The following CACNA2D2 variants were observed in gnomAD, a reference collection of about 807,000 sequenced individuals.
The protein encoded by CACNA2D2 is calcium voltage-gated channel auxiliary subunit alpha2delta 2.
A neutral mutation model predicts 166.4 loss-of-function variants in CACNA2D2; 48 were observed. That is an observed-to-expected ratio of 0.29 (90% CI 0.23 to 0.37). CACNA2D2 has a LOEUF of 0.37. Among genes scored for constraint, CACNA2D2 ranks in the 10% least tolerant of loss-of-function variants. The pLI is 1.00. For synonymous variants in CACNA2D2, 561 were observed against 573.7 expected (o/e 0.98, Z 0.32); for missense variants, 1,122 against 1,433.0 (o/e 0.78, Z 3.50).
chr3:50,371,350 G>A (rs587628719), intron 22 of CACNA2D2, among the ~76,000 whole-genome samples: 27 of 150,960 alleles, frequency 1.8e-4, no homozygotes, highest in African/African-American at 5.9e-4. Flanking sequence ...GCATGCATGT[G>A]TGTGTGTGTG....
At position 50,368,508 on chromosome 3, in the gene CACNA2D2, G is replaced by A. The variant is rs1704475588; in HGVS notation, c.2046-273C>T. Among the ~76,000 whole-genome samples the A allele has an allele frequency of 2.6e-5, 4 of 152,292 alleles. No homozygotes were observed. The South Asian group carries it at 8.3e-4, about 32-fold the overall frequency. ...CTCCGCAGAGCCTCCCGTCTCTCCGGTGTAGCTGGACCCAGATAGTGCACC... is the reference window on the plus strand; with the variant it reads ...CTCCGCAGAGCCTCCCGTCTCTCCGATGTAGCTGGACCCAGATAGTGCACC... On this transcript the variant is annotated intron_variant, in intron 23 of 37. Coordinates refer to ENST00000424201, the MANE Select transcript of CACNA2D2 (RefSeq NM_006030.4).
At chr3:50,464,731 C>G (rs1426412851) in intron 2 of CACNA2D2, among the ~76,000 whole-genome samples, 1 of 152,224 alleles carries the variant, frequency 6.6e-6, no homozygotes, top group Non-Finnish European at 1.5e-5. Flanking sequence ...AGTGGCTCCT[C>G]TACCACTTAG....
At chr3:50,498,513 T>C (rs991266560) in intron 1 of CACNA2D2, among the ~76,000 whole-genome samples, 3 of 151,794 alleles carry the variant, frequency 2.0e-5, no homozygotes, top group African/African-American at 7.3e-5. Context: ...CCTCCACCCC[T>C]CCACACAGAG....
At chr3:50,435,066 A>T (rs1708246789) in intron 2 of CACNA2D2, among the ~76,000 whole-genome samples, 1 of 152,074 alleles carries the variant, frequency 6.6e-6, no homozygotes, top group South Asian at 2.1e-4. Flanking sequence ...GGGGAGAATG[A>T]ATCTGCCCAG....
chr3:50,476,349 C>T, intron 1 of CACNA2D2, 150 bp from the exon 2 acceptor site: 1 of 632,242 alleles, frequency 1.6e-6, no homozygotes. Context: ...CCAGCAAGCA[C>T]CTGCGATTCC....
At chr3:50,466,167 C>T (rs1279612874) in intron 2 of CACNA2D2, among the ~76,000 whole-genome samples, 1 of 152,166 alleles carries the variant, frequency 6.6e-6, no homozygotes, top group Non-Finnish European at 1.5e-5. Flanking sequence ...CCAGGATGCA[C>T]CCCCAACCAC....
At chr3:50,464,608 T>C (rs1381810964) in intron 2 of CACNA2D2, among the ~76,000 whole-genome samples, 2 of 151,988 alleles carry the variant, frequency 1.3e-5, no homozygotes, top group East Asian at 3.9e-4. Flanking sequence ...GCCTCAGGGG[T>C]CCTAGTCTAA....
chr3:50,473,911 TGGCA>T (rs1710201325), intron 2 of CACNA2D2, among the ~76,000 whole-genome samples: 1 of 152,226 alleles, frequency 6.6e-6, no homozygotes, highest in African/African-American at 2.4e-5. Flanking sequence ...GCTGGAGCGC[TGGCA>T]GCCATCGGCA....
chr3:50,363,461 C>T lies in CACNA2D2; in HGVS notation c.*1205G>A, dbSNP rs1704036557. 2.7e-6 allele frequency: 1 copy of T among 369,040 alleles called. No individual in the cohort carries two copies. Among genetic ancestry groups the T allele is most frequent in the Admixed American group, 6.0e-5 (1 of 16,716 alleles). The allele number at this position is 369,040 out of a possible 1,614,324, so 22.9% of individuals were successfully genotyped here. On this transcript the variant is annotated 3_prime_UTR_variant, in exon 38 of 38. Transcript: ENST00000424201. ...ATGGTGTGAAGAGCTGTGCCCAGTC[C>T]CCACCTGTGTGTGTGTGTGTGTGTG...
intron 2 of CACNA2D2, among the ~76,000 whole-genome samples, chr3:50,461,745 CAAA>C (rs561980044): frequency 4.4e-4 from 18 of 40,588 alleles, no homozygotes; most frequent in Admixed American, 8.7e-4. Context: ...TGGGGAGTCT[CAAA>C]AAAAAAAAAA....
At chr3:50,394,027 G>A in intron 4 of CACNA2D2, 82 bp downstream of exon 4, 1 of 1,264,832 alleles carries the variant, frequency 7.9e-7, no homozygotes, top group South Asian at 1.2e-5. Flanking sequence ...TCATGTGTCT[G>A]GGCAGCTCCC....
At chr3:50,439,070 C>G (rs1043931917) in intron 2 of CACNA2D2, among the ~76,000 whole-genome samples, 5 of 152,226 alleles carry the variant, frequency 3.3e-5, no homozygotes, top group Non-Finnish European at 5.9e-5. Context: ...TGAACTGGGT[C>G]GAATCCAAAG....
intron 3 of CACNA2D2, among the ~76,000 whole-genome samples, chr3:50,398,827 TAAC>T (rs1395693515): frequency 2.0e-5 from 3 of 152,210 alleles, no homozygotes; most frequent in Non-Finnish European, 4.4e-5. Flanking sequence ...GAGTTTCACT[TAAC>T]AATCAATTTC....
rs1053669853 is a variant in CACNA2D2 at position 50,365,927 on chromosome 3, A to T, written c.2863-65T>A. On this transcript the variant is annotated intron_variant, in intron 32 of 37. Transcript: ENST00000424201. This position sits in a 1 kb window ranked among gnomAD's most constrained non-coding sequence, Gnocchi z 4.5. ...CTCGCCCTAGGTCACCCCCAGCTTT[A>T]TCAAATGTCAGAGGTAGGGGGTCAT... 11 of 1,611,916 alleles carry T rather than the reference A, an allele frequency of 6.8e-6. No homozygotes were observed. In the African/African-American group the frequency reaches 1.2e-4, roughly 18 times the overall value.
chr3:50,454,042 A>G (rs1398346190), intron 2 of CACNA2D2, among the ~76,000 whole-genome samples: 1 of 152,170 alleles, frequency 6.6e-6, no homozygotes, highest in African/African-American at 2.4e-5. Context: ...CAATGAGGCC[A>G]TCTGATTGGC....
intron 1 of CACNA2D2, among the ~76,000 whole-genome samples, chr3:50,495,120 C>T (rs1000582880): frequency 6.6e-6 from 1 of 152,204 alleles, no homozygotes; most frequent in African/African-American, 2.4e-5. Context: ...ATATGTGGGG[C>T]TTGAAGGTTC....
intron 2 of CACNA2D2, among the ~76,000 whole-genome samples, chr3:50,440,854 T>C (rs1708557082): frequency 6.6e-6 from 1 of 152,060 alleles, no homozygotes; most frequent in South Asian, 2.1e-4. Context: ...GGAGTGGGGC[T>C]GGCCTGCTCC....
chr3:50,385,184 G>A (rs1705527888), intron 5 of CACNA2D2, among the ~76,000 whole-genome samples: 1 of 152,238 alleles, frequency 6.6e-6, no homozygotes, highest in African/African-American at 2.4e-5. Flanking sequence ...AGGTGTGCAA[G>A]GGGGAGGGGA....
chr3:50,407,605 G>T (rs1000370693), intron 3 of CACNA2D2, among the ~76,000 whole-genome samples: 1 of 152,216 alleles, frequency 6.6e-6, no homozygotes, highest in African/African-American at 2.4e-5. Flanking sequence ...GGAGCTGCAT[G>T]TGTAATGCAC....
Sources: gnomAD v4.1 joint callset for allele counts (sites outside exome capture counted in the v4.1 genomes callset) on GRCh38, gnomAD v4.1.1 for gene constraint, Gnocchi (gnomAD v3.1) non-coding constraint, MANE v1.5 for transcripts, NCBI Gene and HGNC (gene_info 2026-07-23, HGNC 2026-07-21) for gene names.